Variants in RILPL1 observed in about 807,000 individuals in gnomAD.
RILPL1 encodes RILP-like protein 1.
Under a neutral mutation model 50.3 loss-of-function variants are expected in RILPL1, and 33 were observed. The ratio of observed to expected loss-of-function variants is 0.66; its 90% confidence interval spans 0.50 to 0.88. The LOEUF (loss-of-function observed/expected upper bound fraction) is 0.88, where lower values mean the gene tolerates loss of function less well. RILPL1 is among the 40% of genes least tolerant of loss of function. The probability of loss-of-function intolerance (pLI) is 0.00; values close to 1 mark genes in which losing one functional copy is unlikely to be tolerated. For missense variants in RILPL1, 418 were observed against 542.5 expected, an observed-to-expected ratio of 0.77 and a Z score of 2.28; for synonymous variants, 205 against 228.6, an observed-to-expected ratio of 0.90 and a Z score of 0.93.
At chr12:123,483,300 G>A (rs1366126019) in intron 6 of RILPL1, among the ~76,000 whole-genome samples, 3 of 152,220 alleles carry the variant, frequency 2.0e-5, no homozygotes, top group African/African-American at 7.2e-5. Flanking sequence ...TTTGAGCCCT[G>A]GTTCTGCCTC....
intron 6 of RILPL1, among the ~76,000 whole-genome samples, chr12:123,481,185 C>T (rs1223401561): frequency 6.6e-6 from 1 of 152,020 alleles, no homozygotes; most frequent in Admixed American, 6.6e-5. Flanking sequence ...GGTGAAACTC[C>T]GTCTCTACTA....
intron 2 of RILPL1, among the ~76,000 whole-genome samples, chr12:123,507,665 T>C (rs1353138033): frequency 1.3e-5 from 2 of 148,480 alleles, no homozygotes; most frequent in Non-Finnish European, 3.0e-5. Context: ...AGCTAGGCCG[T>C]GCACGGTGGC....
chr12:123,489,201 A>AT lies in RILPL1; in HGVS notation c.802-3397dup, dbSNP rs1882534608. Among the ~76,000 whole-genome samples the AT allele has an allele frequency of 6.6e-6, 1 of 152,152 alleles. No individual in the cohort carries two copies. Among genetic ancestry groups the AT allele is most frequent in the Non-Finnish European group, 1.5e-5 (1 of 68,038 alleles). ...CAGCCCTGGGAACAGAGTCAGACAG[A>AT]TGGGGCTGAAGAGAAGATACACATA... On this transcript the variant is annotated intron_variant, in intron 4 of 6. Coordinates refer to ENST00000376874, the MANE Select transcript of RILPL1 (RefSeq NM_178314.5). The surrounding 1 kb of genome is among the most constrained non-coding windows in gnomAD (Gnocchi z 4.0).
chr12:123,500,830 C>T (rs535943402), intron 2 of RILPL1, among the ~76,000 whole-genome samples: 5 of 151,696 alleles, frequency 3.3e-5, no homozygotes, highest in South Asian at 2.1e-4. Context: ...ATGGGCCAGG[C>T]GTGGTGGCTC....
Position 123,523,567 on chromosome 12 carries a change from TCTC to T in RILPL1, c.385_387del (p.Glu129del). ...GAGAGGTTGGTCATGAGCTGCTTGT[TCTC>T]CTCCTGCAGCTGGGCGATCTGGGAG... On this transcript the variant is annotated inframe_deletion, in exon 2 of 7. Transcript: ENST00000376874. 6.2e-7 allele frequency: 1 copy of T among 1,613,880 alleles called. No individual in the cohort carries two copies. The highest frequency in any genetic ancestry group is 1.1e-5 in the South Asian group (1 of 91,082).
At chr12:123,484,380 G>A in intron 5 of RILPL1, 108 bp from the exon 6 acceptor site, 1 of 766,488 alleles carries the variant, frequency 1.3e-6, no homozygotes, top group Non-Finnish European at 2.3e-6. Flanking sequence ...TGCTTTTTAG[G>A]GGACCCGCAT....
chr12:123,477,701 G>T (rs116001891), intron 6 of RILPL1, among the ~76,000 whole-genome samples: 3,510 of 152,154 alleles, frequency 0.023, 71 homozygotes, highest in Admixed American at 0.063. Flanking sequence ...GATGCCTTCT[G>T]CTAAGTGAAT....
intron 1 of RILPL1, among the ~76,000 whole-genome samples, chr12:123,529,225 T>TA (rs1278798507): frequency 6.6e-6 from 1 of 152,206 alleles, no homozygotes; most frequent in Non-Finnish European, 1.5e-5. Flanking sequence ...CCCCATCTGT[T>TA]AGACTACCAC....
intron 4 of RILPL1, among the ~76,000 whole-genome samples, chr12:123,497,914 T>C (rs1276742957): frequency 1.3e-5 from 2 of 152,256 alleles, no homozygotes; most frequent in Non-Finnish European, 2.9e-5. Flanking sequence ...AGGAGTGGAA[T>C]TGCTGGGTCA....
chr12:123,509,703 A>G (rs80183396), intron 2 of RILPL1, among the ~76,000 whole-genome samples: 1,681 of 152,308 alleles, frequency 0.011, 26 homozygotes, highest in African/African-American at 0.038. Flanking sequence ...TCCCTAGAGA[A>G]GTCAGACCAC....
chr12:123,473,384 A>G (rs892956901), intron 6 of RILPL1: 3 of 152,102 alleles, frequency 2.0e-5, no homozygotes, highest in East Asian at 1.9e-4. Flanking sequence ...GTGTGGTGGC[A>G]CACGCCTGTA....
rs1253830690 is a variant in RILPL1, at chr12:123,491,989, G to A, written c.802-6184C>T. Among the ~76,000 whole-genome samples the A allele has an allele frequency of 6.6e-6, 1 of 151,746 alleles. No individual in the cohort carries two copies. Among genetic ancestry groups the A allele is most frequent in the East Asian group, 1.9e-4 (1 of 5,176 alleles). ...GCCATTGCACTCCAGCCTGGGTGAT[G>A]GAGTGAGACCCTGACTCAAAATAAA... On this transcript the variant is annotated intron_variant, in intron 4 of 6. Coordinates refer to ENST00000376874, the MANE Select transcript of RILPL1 (RefSeq NM_178314.5). This position sits in a 1 kb window ranked among gnomAD's most constrained non-coding sequence, Gnocchi z 4.0.
intron 1 of RILPL1, among the ~76,000 whole-genome samples, chr12:123,530,410 C>A (rs572805287): frequency 6.6e-6 from 1 of 152,298 alleles, no homozygotes; most frequent in Middle Eastern, 3.4e-3. Context: ...AAGTGATCCA[C>A]CCGCCTTGGC....
At chr12:123,526,005 T>C (rs1052535362) in intron 1 of RILPL1, among the ~76,000 whole-genome samples, 3 of 152,098 alleles carry the variant, frequency 2.0e-5, no homozygotes, top group Non-Finnish European at 2.9e-5. Flanking sequence ...CTGTTGTCTG[T>C]ATAAAACAGT....
At chr12:123,531,048 T>C (rs1186280827) in intron 1 of RILPL1, among the ~76,000 whole-genome samples, 1 of 150,254 alleles carries the variant, frequency 6.7e-6, no homozygotes, top group Non-Finnish European at 1.5e-5. Context: ...GTGGACAGAC[T>C]AAACCAGGAC....
rs1881160088 is a variant in RILPL1 at position 123,470,910 on chromosome 12, C to T, written c.*1628G>A. ...ATTCATCAGTATACCTGCTTCTATA[C>T]TCTTTGAGAATAAATTCTAATAATT... On this transcript the variant is annotated 3_prime_UTR_variant, in exon 7 of 7. Coordinates refer to ENST00000376874, the MANE Select transcript of RILPL1 (RefSeq NM_178314.5). 2 of 152,164 alleles carry T rather than the reference C, an allele frequency of 1.3e-5. No individual in the cohort carries two copies. Among genetic ancestry groups the T allele is most frequent in the Non-Finnish European group, 2.9e-5 (2 of 68,028 alleles). 9.4% of individuals were successfully genotyped at this position (152,164 alleles called of 1,614,324 possible).
intron 4 of RILPL1, among the ~76,000 whole-genome samples, chr12:123,496,499 G>A (rs1317741818): frequency 6.6e-6 from 1 of 152,198 alleles, no homozygotes; most frequent in Non-Finnish European, 1.5e-5. Flanking sequence ...CAGGTTACTA[G>A]TGCAGCGTCT....
At chr12:123,487,185 G>A (rs907747756) in intron 4 of RILPL1, among the ~76,000 whole-genome samples, 3 of 152,176 alleles carry the variant, frequency 2.0e-5, no homozygotes, top group Non-Finnish European at 4.4e-5. Context: ...TCTATGGACT[G>A]CCTACCATGG....
intron 6 of RILPL1, among the ~76,000 whole-genome samples, chr12:123,477,010 C>T (rs78867569): frequency 0.02 from 2,979 of 152,228 alleles, 78 homozygotes; most frequent in African/African-American, 0.062. Flanking sequence ...AAGCGCCAGG[C>T]GAGAACCAGG....
Sources: allele counts gnomAD v4.1 joint callset (sites outside exome capture counted in the v4.1 genomes callset), GRCh38; gene constraint gnomAD v4.1.1; non-coding constraint Gnocchi (gnomAD v3.1); transcripts MANE v1.5; gene names NCBI Gene and HGNC (gene_info 2026-07-23, HGNC 2026-07-21).